The following DGKB variants were observed in gnomAD, a reference collection of about 807,000 sequenced individuals.
DGKB encodes 90 kDa diacylglycerol kinase.
A neutral mutation model predicts 114.3 loss-of-function variants in DGKB; 67 were observed. That is an observed-to-expected ratio of 0.59 (90% confidence interval 0.48 to 0.72). DGKB has a LOEUF of 0.72. DGKB is among the 30% of genes least tolerant of loss of function. The pLI is 0.00. For missense variants in DGKB, 907 were observed against 975.2 expected (o/e 0.93, Z 0.93); for synonymous variants, 398 against 323.1 (o/e 1.23, Z -2.49).
At position 14,750,265 on chromosome 7, in the gene DGKB, T is replaced by C. The variant is rs949801560; in HGVS notation, c.168+3663A>G. On this transcript the variant is annotated intron_variant, in intron 4 of 25. Coordinates refer to ENST00000402815, the MANE Select transcript of DGKB (RefSeq NM_001350709.2). ...ATATTAACACATGGTATAAGGTAAT[T>C]TCCCACTGGTTTATCAGTATTAGAT... is the stretch of plus-strand genomic sequence containing the variant. 6.5e-6 allele frequency: 3 copies of C among 461,744 alleles called. No homozygotes were observed. In the Admixed American group the frequency reaches 7.0e-5, roughly 11 times the overall value. 28.6% of individuals were successfully genotyped at this position (461,744 alleles called of 1,614,324 possible). A position where few individuals can be genotyped will look rare whatever the true frequency, so the allele number is the denominator to read the frequency against.
intron 5 of DGKB, 86 bp downstream of exon 5, chr7:14,735,955 A>G (rs2128400227): frequency 2.5e-6 from 2 of 814,352 alleles, no homozygotes; most frequent in Middle Eastern, 2.6e-4. Context: ...TTTTATGCAA[A>G]TCATCATTCA....
At chr7:14,774,492 T>G (rs2128477087) in intron 2 of DGKB, among the ~76,000 whole-genome samples, 1 of 152,320 alleles carries the variant, frequency 6.6e-6, no homozygotes, top group Non-Finnish European at 1.5e-5. Context: ...TCACTATTAC[T>G]TTGCTATAGC....
At chr7:14,824,602 C>T (rs1197468170) in intron 2 of DGKB, among the ~76,000 whole-genome samples, 1 of 151,994 alleles carries the variant, frequency 6.6e-6, no homozygotes, top group Non-Finnish European at 1.5e-5. Flanking sequence ...TTTTCATTAG[C>T]CTAGACTTAA....
chr7:14,909,926 G>T (rs1478834112), intron 1 of DGKB, among the ~76,000 whole-genome samples: 1 of 152,054 alleles, frequency 6.6e-6, no homozygotes, highest in Non-Finnish European at 1.5e-5. Context: ...TCATGTATTA[G>T]CTGGGCACAG....
chr7:14,685,080 A>T (rs1479663895), intron 10 of DGKB, among the ~76,000 whole-genome samples, 165 bp downstream of exon 10: 1 of 152,224 alleles, frequency 6.6e-6, no homozygotes, highest in Non-Finnish European at 1.5e-5. Flanking sequence ...TGAAGAAATT[A>T]GAGTAACCTA....
At chr7:14,528,617 T>A (rs956265621) in intron 20 of DGKB, among the ~76,000 whole-genome samples, 13 of 151,994 alleles carry the variant, frequency 8.6e-5, no homozygotes, top group African/African-American at 2.7e-4. Context: ...TGGACAGTAA[T>A]TGAAGAGTAG....
At chr7:14,659,135 T>G (rs940167153) in intron 13 of DGKB, among the ~76,000 whole-genome samples, 1 of 151,936 alleles carries the variant, frequency 6.6e-6, no homozygotes, top group African/African-American at 2.4e-5. Flanking sequence ...GTGTTCTCAT[T>G]GTATTAACTC....
At chr7:14,323,901 T>A (rs958902455) in intron 23 of DGKB, among the ~76,000 whole-genome samples, 5 of 152,188 alleles carry the variant, frequency 3.3e-5, no homozygotes, top group African/African-American at 1.2e-4. Flanking sequence ...CTATTAGCCT[T>A]AGAAAACAAC....
chr7:14,760,622 A>G (rs1835545813), intron 2 of DGKB, among the ~76,000 whole-genome samples: 2 of 152,036 alleles, frequency 1.3e-5, no homozygotes, highest in Admixed American at 6.6e-5. Context: ...ACACACATAC[A>G]CAGATGCATA....
chr7:14,807,237 T>C (rs1163297154), intron 2 of DGKB, among the ~76,000 whole-genome samples: 5 of 152,006 alleles, frequency 3.3e-5, no homozygotes, highest in Non-Finnish European at 7.4e-5. Flanking sequence ...TATAATTGTC[T>C]GGTCTTTCCT....
chr7:14,944,066 TATA>T lies in DGKB; in HGVS notation c.-188+30627_-188+30629del, dbSNP rs898725123. Among the ~76,000 whole-genome samples, 22 of 151,890 alleles carry T rather than the reference TATA, an allele frequency of 1.4e-4. 1 individual carries two copies. Among genetic ancestry groups the T allele is most frequent in the African/African-American group, 4.8e-5 (2 of 41,416 alleles). ...TAAAGCTCATCATCGATCCCATTGT[TATA>T]ATAATATTTCATTCTATTACCTAAT... On this transcript the variant is annotated intron_variant, in intron 1 of 4. Coordinates refer to the DGKB transcript ENST00000437998.
Position 14,392,995 on chromosome 7 carries a change from G to GTTTTTTTGTTTTTTTTTTT in DGKB, c.1836-47605_1836-47604insAAAAAAAAAAACAAAAAAA, listed in dbSNP as rs1554404750. ...CAAAACAGACCTGTTTTTTGTTTTT[G>GTTTTTTTGTTTTTTTTTTT]TTTTTTTTTTTTTGAGACGGAGTCT... On this transcript the variant is annotated intron_variant, in intron 21 of 25. Transcript: ENST00000402815. 3.6e-4 allele frequency among the ~76,000 whole-genome samples: 22 copies of GTTTTTTTGTTTTTTTTTTT among 60,544 alleles called. 1 individual carries two copies. Among genetic ancestry groups the GTTTTTTTGTTTTTTTTTTT allele is most frequent in the Admixed American group, 9.1e-4 (4 of 4,378 alleles). The allele number at this position is 60,544 out of a possible 152,430, so 39.7% of individuals were successfully genotyped here.
chr7:14,965,679 T>C (rs1173741287), intron 1 of DGKB, among the ~76,000 whole-genome samples: 1 of 152,112 alleles, frequency 6.6e-6, no homozygotes, highest in African/African-American at 2.4e-5. Context: ...ACTGAGTGAT[T>C]ATAATATAGC....
chr7:14,612,489 T>G (rs537961880), intron 16 of DGKB, among the ~76,000 whole-genome samples: 2 of 152,046 alleles, frequency 1.3e-5, no homozygotes, highest in East Asian at 1.9e-4. Context: ...GATTCAATAA[T>G]GAAAAGCATT....
intron 21 of DGKB, among the ~76,000 whole-genome samples, chr7:14,359,389 A>G (rs889398570): frequency 3.3e-5 from 5 of 152,178 alleles, no homozygotes; most frequent in Admixed American, 3.3e-4. Context: ...AGGCAATACC[A>G]TTCTGGACAT....
intron 25 of DGKB, among the ~76,000 whole-genome samples, chr7:14,170,145 A>AAAAAAAAGAAAGAAAGAAAG (rs1369239302): frequency 3.0e-5 from 3 of 99,982 alleles, no homozygotes; most frequent in Non-Finnish European, 5.9e-5. Context: ...AAAAAAAAAA[A>AAAAAAAAGAAAGAAAGAAAG]AAAGAAAGAA....
intron 1 of DGKB, among the ~76,000 whole-genome samples, chr7:14,962,455 T>C (rs185533056): frequency 1.3e-5 from 2 of 152,292 alleles, no homozygotes; most frequent in East Asian, 3.9e-4. Context: ...TATTCTGAGG[T>C]ATAGAGTATG....
chr7:14,930,808 C>G (rs1469959564), intron 1 of DGKB, among the ~76,000 whole-genome samples: 2 of 152,114 alleles, frequency 1.3e-5, no homozygotes, highest in Non-Finnish European at 2.9e-5. Context: ...ATGATTTCAA[C>G]TTTTCCCTGT....
intron 15 of DGKB, among the ~76,000 whole-genome samples, chr7:14,620,308 TA>T (rs971078071): frequency 3.7e-4 from 56 of 151,310 alleles, no homozygotes; most frequent in African/African-American, 1.2e-3. Flanking sequence ...GATTTTTAGA[TA>T]AAAAACAAAC....
Sources: allele counts gnomAD v4.1 joint callset (sites outside exome capture counted in the v4.1 genomes callset), GRCh38; gene constraint gnomAD v4.1.1; transcripts MANE v1.5; gene names NCBI Gene and HGNC (gene_info 2026-07-23, HGNC 2026-07-21).